Variants in TMCC2 observed in about 807,000 individuals in gnomAD.
The protein encoded by TMCC2 is transmembrane and coiled-coil domain family 2.
Under a neutral mutation model 49.4 loss-of-function variants are expected in TMCC2, and 16 were observed. That is an observed-to-expected ratio of 0.32 (90% confidence interval 0.22 to 0.49). The LOEUF (loss-of-function observed/expected upper bound fraction) is 0.49, where lower values mean the gene tolerates loss of function less well. Among genes scored for constraint, TMCC2 ranks in the 20% least tolerant of loss-of-function variants. The pLI, the probability that TMCC2 is intolerant of heterozygous loss-of-function variation, is 0.99. For synonymous variants in TMCC2, 397 were observed against 434.1 expected, an observed-to-expected ratio of 0.91 and a Z score of 1.06; for missense variants, 762 against 989.8, an observed-to-expected ratio of 0.77 and a Z score of 3.09.
chr1:205,248,435 C>T (rs889701729), intron 2 of TMCC2, among the ~76,000 whole-genome samples: 2 of 152,180 alleles, frequency 1.3e-5, no homozygotes, highest in African/African-American at 4.8e-5. Context: ...TCATCTCAGC[C>T]TCGCCATTCT....
chr1:205,267,074 T>C (rs1468531904), intron 2 of TMCC2, among the ~76,000 whole-genome samples: 2 of 152,154 alleles, frequency 1.3e-5, no homozygotes, highest in African/African-American at 4.8e-5. Context: ...CCTGAAGGTA[T>C]GAGCACCTGC....
chr1:205,252,809 A>AT (rs71147737), intron 2 of TMCC2, among the ~76,000 whole-genome samples: 27,843 of 147,174 alleles, frequency 0.19, 3,167 homozygotes, highest in East Asian at 0.44. Flanking sequence ...GTGGTTTGTG[A>AT]TTTTTTTTTT....
chr1:205,271,409 G>A, intron 4 of TMCC2, 154 bp downstream of exon 4: 1 of 1,238,432 alleles, frequency 8.1e-7, no homozygotes, highest in Non-Finnish European at 1.1e-6. Flanking sequence ...CAGCGTAGCG[G>A]GAGCGGAGTG....
intron 2 of TMCC2, among the ~76,000 whole-genome samples, chr1:205,265,563 C>CT (rs938828110): frequency 0.015 from 2,055 of 139,416 alleles, 42 homozygotes; most frequent in African/African-American, 0.042. Flanking sequence ...ATTTTCTTTT[C>CT]TTTTTTTTTT....
intron 1 of TMCC2, among the ~76,000 whole-genome samples, chr1:205,235,846 G>A (rs1267875942): frequency 6.6e-6 from 1 of 152,132 alleles, no homozygotes; most frequent in Admixed American, 6.5e-5. Context: ...GAGGCAGGGG[G>A]GTCACGAGGT....
At chr1:205,267,829 C>T (rs1467151498) in intron 2 of TMCC2, 5 of 971,674 alleles carry the variant, frequency 5.1e-6, no homozygotes, top group Non-Finnish European at 6.1e-6. Context: ...TCATTTCCTT[C>T]CTACGCATTC....
intron 2 of TMCC2, among the ~76,000 whole-genome samples, chr1:205,258,786 C>G (rs1431830015): frequency 6.6e-6 from 1 of 152,250 alleles, no homozygotes; most frequent in Non-Finnish European, 1.5e-5. Flanking sequence ...CGTAAGGTCA[C>G]ATGACCTCTT....
In TMCC2 at chr1:205,272,090, C is replaced by T. The variant is rs1028153177; in HGVS notation, c.2096C>T (p.Thr699Ile). The T allele has an allele frequency of 1.1e-5, 17 of 1,613,754 alleles. No homozygotes were observed. The highest frequency in any genetic ancestry group is 1.3e-5 in the African/African-American group (1 of 74,940). The change falls in exon 5 of 5, where the codon ACC (threonine) becomes ATC (isoleucine). Residue 699 changes from threonine to isoleucine, a missense_variant. This residue lies in a region of TMCC2 where 440 missense variants were observed against 636.7 expected (regional missense o/e 0.69). Coordinates refer to ENST00000358024, the MANE Select transcript of TMCC2 (RefSeq NM_014858.4). ...FLLWKHWDSL[T>I]YLLEHVLLPS The stretch of plus-strand genomic sequence containing the variant: ...CTCTGGAAGCACTGGGACTCCCTCA[C>T]CTACCTCCTGGAGCACGTGTTGCTG...
At chr1:205,236,558 C>G (rs1051603269) in intron 1 of TMCC2, 1 of 152,204 alleles carries the variant, frequency 6.6e-6, no homozygotes, top group African/African-American at 2.4e-5. Flanking sequence ...GTTAGGGACA[C>G]AGAGATGTAG....
At chr1:205,233,598 G>A (rs1455098088) in intron 1 of TMCC2, among the ~76,000 whole-genome samples, 1 of 152,158 alleles carries the variant, frequency 6.6e-6, no homozygotes, top group Non-Finnish European at 1.5e-5. Flanking sequence ...CTAGAGAAGG[G>A]TTCATGCAGT....
chr1:205,270,701 C>T (rs1281847715), intron 3 of TMCC2, among the ~76,000 whole-genome samples: 1 of 152,206 alleles, frequency 6.6e-6, no homozygotes, highest in Non-Finnish European at 1.5e-5. Flanking sequence ...GTCCTCTACA[C>T]CCATGTGTCC....
At chr1:205,232,606 T>A (rs1303704250) in intron 1 of TMCC2, among the ~76,000 whole-genome samples, 1 of 152,078 alleles carries the variant, frequency 6.6e-6, no homozygotes, top group Non-Finnish European at 1.5e-5. Context: ...AGGGGAATAC[T>A]GCAGACAGGG....
chr1:205,269,311 C>G lies in TMCC2; in HGVS notation c.1109C>G (p.Ser370Trp), dbSNP rs752244916. 6.2e-7 allele frequency: 1 copy of G among 1,613,296 alleles called. No individual in the cohort carries two copies. The highest frequency in any genetic ancestry group is 1.3e-5 in the African/African-American group (1 of 74,940). Residue 370 changes from serine (S) to tryptophan (W), a missense_variant, in exon 3 of 5, where the codon TCG becomes TGG. Physicochemically the swap from Ser to Trp is radical, Grantham distance 177 (BLOSUM62 -3). Around this residue, in one of 2 missense-constraint regions of TMCC2, gnomAD observed 440 missense variants for 636.7 expected, o/e 0.69. Transcript: ENST00000358024. Reference sequence around the variant, plus strand: ...AAGGAGATTGAGCAGAACGGGCCCTCGCGGCAGCCCAAGGACGTGCTGCGG... The same window carrying G: ...AAGGAGATTGAGCAGAACGGGCCCTGGCGGCAGCCCAAGGACGTGCTGCGG... Reference protein sequence around the residue: ...RLKEIEQNGPSRQPKDVLRDM... With the variant: ...RLKEIEQNGPWRQPKDVLRDM...
intron 2 of TMCC2, chr1:205,246,594 A>T: frequency 2.6e-6 from 4 of 1,550,060 alleles, no homozygotes; most frequent in Non-Finnish European, 3.5e-6. Flanking sequence ...GCTTTGTGAA[A>T]TTGAGAGCTG....
At position 205,241,707 on chromosome 1, in the gene TMCC2, C is replaced by A. The variant is rs760954041; in HGVS notation, c.410C>A (p.Ser137Tyr). Reference sequence around the variant, plus strand: ...ATGCATCGCGTCTCCTACGCCATGTCCCTGCACGACCTGCCCGCCCGGCCC... The same window carrying A: ...ATGCATCGCGTCTCCTACGCCATGTACCTGCACGACCTGCCCGCCCGGCCC... ...PEMHRVSYAM[S>Y]LHDLPARPTA... is the part of the protein sequence containing the mutation. Residue 137 changes from serine to tyrosine, a missense_variant, in exon 2 of 5, where the codon TCC (serine) becomes TAC (tyrosine). By Grantham distance (144) the Ser-to-Tyr change is moderately radical. Transcript: ENST00000358024. The surrounding 1 kb of genome is among the most constrained non-coding windows in gnomAD (Gnocchi z 7.3). 1 of 1,613,652 alleles carries A rather than the reference C, an allele frequency of 6.2e-7. No homozygotes were observed. The highest frequency in any genetic ancestry group is 2.2e-5 in the East Asian group (1 of 44,894).
intron 2 of TMCC2, among the ~76,000 whole-genome samples, chr1:205,266,615 A>T (rs1263263484): frequency 1.3e-5 from 2 of 152,108 alleles, no homozygotes; most frequent in African/African-American, 4.8e-5. Flanking sequence ...ACAAATAAAA[A>T]AAAAAAAACC....
At position 205,229,550 on chromosome 1, in the gene TMCC2, G is replaced by C. The variant is rs1259575524; in HGVS notation, c.207+779G>C. On this transcript the variant is annotated intron_variant, in intron 1 of 4. Transcript: ENST00000358024. The stretch of plus-strand genomic sequence containing the variant: ...TTTGCCGATCTGTGAAGGGGCGGGG[G>C]GGGGGGGGTGGTGGCGGGGGCGGGG... 2.0e-4 allele frequency: 136 copies of C among 685,622 alleles called. 5 individuals are homozygous for C. Among genetic ancestry groups the C allele is most frequent in the East Asian group, 9.2e-4 (6 of 6,522 alleles). The allele number at this position is 685,622 out of a possible 1,614,324, so 42.5% of individuals were successfully genotyped here.
rs1659669166 is a variant in TMCC2, at chr1:205,228,833, A to G, written c.207+62A>G. On this transcript the variant is annotated intron_variant, in intron 1 of 4. Coordinates refer to ENST00000358024, the MANE Select transcript of TMCC2 (RefSeq NM_014858.4). The stretch of plus-strand genomic sequence containing the variant: ...CGACTTAGCTCTCGCCACCCCACGC[A>G]GAAGTGCTTTAACAGGATAAAAGTG... The G allele has an allele frequency of 5.2e-6, 8 of 1,525,050 alleles. No homozygotes were observed. In the South Asian group the frequency reaches 7.4e-5, roughly 14 times the overall value. The allele number at this position is 1,525,050 out of a possible 1,614,324, so 94.5% of individuals were successfully genotyped here.
chr1:205,252,859 G>C (rs1660720575), intron 2 of TMCC2, among the ~76,000 whole-genome samples: 1 of 150,768 alleles, frequency 6.6e-6, no homozygotes, highest in East Asian at 1.9e-4. Context: ...AGTGGCTCAT[G>C]CCTGTAATCT....
Sources: allele counts gnomAD v4.1 joint callset (sites outside exome capture counted in the v4.1 genomes callset), GRCh38; gene constraint gnomAD v4.1.1; regional missense constraint gnomAD v4.1.1; non-coding constraint Gnocchi (gnomAD v3.1); transcripts MANE v1.5; gene names NCBI Gene and HGNC (gene_info 2026-07-23, HGNC 2026-07-21).